Variants in ASTN2 observed in about 807,000 individuals in gnomAD.
ASTN2 encodes astrotactin 2.
In ASTN2, 54 loss-of-function variants were observed where a neutral mutation model predicts 139.8. The ratio of observed to expected loss-of-function variants is 0.39; its 90% confidence interval spans 0.31 to 0.48. ASTN2 has a LOEUF of 0.48. Ranked by LOEUF, ASTN2 falls within the 20% of genes least tolerant of loss-of-function variation. The probability of loss-of-function intolerance (pLI) is 0.95; values close to 1 mark genes in which losing one functional copy is unlikely to be tolerated. For synonymous variants in ASTN2, 756 were observed against 719.5 expected (o/e 1.05, Z -0.81); for missense variants, 1,565 against 1,725.1 (o/e 0.91, Z 1.64).
intron 1 of ASTN2, among the ~76,000 whole-genome samples, chr9:117,407,502 T>C (rs1012648475): frequency 2.6e-5 from 4 of 152,206 alleles, no homozygotes; most frequent in Non-Finnish European, 5.9e-5. Context: ...GTAGTTTCCC[T>C]TCATAGTTTG....
At chr9:116,730,157 T>C (rs900931718) in intron 14 of ASTN2, among the ~76,000 whole-genome samples, 1 of 146,910 alleles carries the variant, frequency 6.8e-6, no homozygotes, top group Non-Finnish European at 1.5e-5. Flanking sequence ...ATTATTACTG[T>C]TTTTATGTAT....
intron 16 of ASTN2, among the ~76,000 whole-genome samples, chr9:116,663,036 G>C (rs1858654362): frequency 6.6e-6 from 1 of 152,174 alleles, no homozygotes; most frequent in Admixed American, 6.5e-5. Flanking sequence ...TTACTTTCTT[G>C]AAAACTGTGT....
chr9:117,339,905 A>AC (rs1829010948), intron 1 of ASTN2, among the ~76,000 whole-genome samples: 1 of 138,672 alleles, frequency 7.2e-6, no homozygotes, highest in African/African-American at 2.6e-5. Context: ...AGTCTCTTTT[A>AC]CAAAAAAAAA....
At position 116,931,588 on chromosome 9, in the gene ASTN2, G is replaced by A. The variant is rs577400281; in HGVS notation, c.1889+43620C>T. Among the ~76,000 whole-genome samples, 27 of 152,258 alleles carry A rather than the reference G, an allele frequency of 1.8e-4. No homozygotes were observed. In the South Asian group the frequency reaches 4.6e-3, roughly 26 times the overall value. On this transcript the variant is annotated intron_variant, in intron 10 of 22. Transcript: ENST00000313400. ...CTGGCCACTTTGTTAACTGCACATC[G>A]ATGCCACAAGTGATTGTTGACAGAT... is the stretch of plus-strand genomic sequence containing the variant.
intron 5 of ASTN2, among the ~76,000 whole-genome samples, chr9:117,049,222 C>T (rs1343266894): frequency 6.6e-6 from 1 of 152,038 alleles, no homozygotes; most frequent in African/African-American, 2.4e-5. Flanking sequence ...CCTCAAAGAG[C>T]TAGTGTAGTA....
chr9:117,118,991 C>T lies in ASTN2; in HGVS notation c.1168+22335G>A, dbSNP rs117707459. On this transcript the variant is annotated intron_variant, in intron 4 of 22. Transcript: ENST00000313400. ...GATGATGTCATATCTACGTTTATTG[C>T]CTCTCTCTTACAGAAGAATAGAACC... Among the ~76,000 whole-genome samples, 531 of 152,294 alleles carry T rather than the reference C, an allele frequency of 3.5e-3. 1 individual carries two copies. The highest frequency in any genetic ancestry group is 0.014 in the Middle Eastern group (4 of 294).
intron 2 of ASTN2, among the ~76,000 whole-genome samples, chr9:117,234,558 G>A (rs1832988962): frequency 6.6e-6 from 1 of 152,138 alleles, no homozygotes; most frequent in Non-Finnish European, 1.5e-5. Context: ...ACATTGTTAG[G>A]ATTATCACTG....
At chr9:116,817,328 TA>T (rs11321872) in intron 12 of ASTN2, among the ~76,000 whole-genome samples, 131,316 of 151,674 alleles carry the variant, frequency 0.87, 56,992 homozygotes, top group East Asian at 0.99. Context: ...GAATGGGTAT[TA>T]ATTATCTTGT....
chr9:116,904,563 G>A (rs187078027), intron 10 of ASTN2, among the ~76,000 whole-genome samples: 6 of 152,254 alleles, frequency 3.9e-5, no homozygotes, highest in South Asian at 4.2e-4. Flanking sequence ...ATCTGTAAAA[G>A]AGGAATAATG....
chr9:117,322,547 T>G (rs928898659), intron 1 of ASTN2, among the ~76,000 whole-genome samples: 2 of 152,224 alleles, frequency 1.3e-5, no homozygotes, highest in African/African-American at 4.8e-5. Flanking sequence ...CATATGGACT[T>G]AAGTCTGCAT....
At chr9:116,446,668 C>T (rs1255126812) in intron 20 of ASTN2, among the ~76,000 whole-genome samples, 2 of 152,162 alleles carry the variant, frequency 1.3e-5, no homozygotes, top group Non-Finnish European at 2.9e-5. Context: ...ATGAGCTATA[C>T]AGGAACCTGG....
intron 5 of ASTN2, among the ~76,000 whole-genome samples, chr9:117,045,832 T>C (rs932331919): frequency 2.0e-5 from 3 of 152,110 alleles, no homozygotes; most frequent in African/African-American, 7.2e-5. Flanking sequence ...AGAAGTAATT[T>C]ATTTCTTAGA....
chr9:117,343,946 G>A (rs1459038388), intron 1 of ASTN2, among the ~76,000 whole-genome samples: 1 of 152,164 alleles, frequency 6.6e-6, no homozygotes, highest in East Asian at 1.9e-4. Context: ...AAAGTAGAGG[G>A]AGAGAAGAAG....
chr9:117,122,568 C>T (rs535017469), intron 4 of ASTN2, among the ~76,000 whole-genome samples: 1 of 152,248 alleles, frequency 6.6e-6, no homozygotes, highest in East Asian at 1.9e-4. Context: ...TCTGAAGTGT[C>T]CACATGGTCA....
intron 4 of ASTN2, among the ~76,000 whole-genome samples, chr9:117,116,383 T>C (rs1036539607): frequency 1.3e-5 from 2 of 152,152 alleles, no homozygotes; most frequent in African/African-American, 4.8e-5. Flanking sequence ...TGTGAACCTA[T>C]GTAGATTGGT....
intron 5 of ASTN2, among the ~76,000 whole-genome samples, chr9:117,089,060 A>T (rs573717376): frequency 1.4e-4 from 21 of 152,136 alleles, no homozygotes; most frequent in Non-Finnish European, 2.8e-4. Flanking sequence ...GACTGTAACC[A>T]CTGTGAGGTT....
At chr9:116,731,497 A>T (rs1399936276) in intron 14 of ASTN2, among the ~76,000 whole-genome samples, 1 of 151,954 alleles carries the variant, frequency 6.6e-6, no homozygotes, top group Non-Finnish European at 1.5e-5. Flanking sequence ...ATCTCGGCTC[A>T]CTGCAACCTC....
intron 7 of ASTN2, among the ~76,000 whole-genome samples, chr9:116,991,034 A>G (rs1019020914): frequency 6.6e-6 from 1 of 152,190 alleles, no homozygotes; most frequent in African/African-American, 2.4e-5. Context: ...TGCCCATCAC[A>G]TACTCCCATT....
chr9:116,873,994 G>A (rs1190949694), intron 10 of ASTN2, among the ~76,000 whole-genome samples: 2 of 152,152 alleles, frequency 1.3e-5, no homozygotes, highest in Non-Finnish European at 2.9e-5. Context: ...GTCTCAGGTA[G>A]TTCTTTATAG....
Sources: gnomAD v4.1 joint callset for allele counts (sites outside exome capture counted in the v4.1 genomes callset) on GRCh38, gnomAD v4.1.1 for gene constraint, MANE v1.5 for transcripts, NCBI Gene and HGNC (gene_info 2026-07-23, HGNC 2026-07-21) for gene names.